C1S: variants seen among roughly 807,000 people sequenced by gnomAD.
C1S encodes complement C1s subcomponent.
C1S carries 31 observed loss-of-function variants against 54.0 expected under a neutral mutation model. The ratio of observed to expected loss-of-function variants is 0.57; its 90% CI spans 0.43 to 0.78. C1S has a LOEUF of 0.78. Ranked by LOEUF, C1S falls within the 30% of genes least tolerant of loss-of-function variation. The pLI, the probability that C1S is intolerant of heterozygous loss-of-function variation, is 0.00. For missense variants in C1S, 727 were observed against 851.8 expected (o/e 0.85, Z 1.82); for synonymous variants, 292 against 303.6 (o/e 0.96, Z 0.40).
Position 7,070,941 on chromosome 12 carries a change from C to G in C1S, c.*290C>G. On this transcript the variant is annotated 3_prime_UTR_variant, in exon 12 of 12. Transcript: ENST00000360817. The surrounding 1 kb of genome is among the most constrained non-coding windows in gnomAD (Gnocchi z 4.9). ...ACTATTCCACAGGGATACCTTAATT[C>G]TTTGTTTCCTCTTTACCTGTTCAAA... 2.4e-6 allele frequency: 1 copy of G among 423,260 alleles called. No homozygotes were observed. The highest frequency in any genetic ancestry group is 2.4e-5 in the South Asian group (1 of 40,964). 26.2% of individuals were successfully genotyped at this position (423,260 alleles called of 1,614,324 possible).
At chr12:7,067,014 A>G in intron 8 of C1S, 25 bp from the exon 9 acceptor site, 1 of 1,550,000 alleles carries the variant, frequency 6.5e-7, no homozygotes, top group Non-Finnish European at 8.9e-7. Flanking sequence ...TTCAGAAATA[A>G]GTGGTGATGT....
At chr12:7,067,518 G>T (rs1482981972) in intron 9 of C1S, 125 bp from the exon 10 acceptor site, 9 of 1,051,100 alleles carry the variant, frequency 8.6e-6, no homozygotes, top group Non-Finnish European at 1.2e-5. Flanking sequence ...CTGGTGTGGG[G>T]AGGTTCATCC....
intron 1 of C1S, 119 bp downstream of exon 1, chr12:7,060,996 G>C (rs1369747656): frequency 1.3e-5 from 2 of 152,226 alleles, no homozygotes; most frequent in Non-Finnish European, 2.9e-5. Context: ...ATAAAAAAAG[G>C]CAGAATATAG....
At chr12:7,069,831 C>G (rs1340443299) in intron 11 of C1S, 24 bp from the exon 12 acceptor site, 2 of 1,589,164 alleles carry the variant, frequency 1.3e-6, no homozygotes, top group East Asian at 2.2e-5. Flanking sequence ...TCCTCCTTCC[C>G]TGTGTTGTTT....
chr12:7,070,252 C>G lies in C1S; in HGVS notation c.1668C>G (p.Asp556Glu). 1 of 1,614,198 alleles carries G rather than the reference C, an allele frequency of 6.2e-7. No individual in the cohort carries two copies. The highest frequency in any genetic ancestry group is 8.5e-7 in the Non-Finnish European group (1 of 1,179,998). The change falls in exon 12 of 12, where the codon GAC becomes GAG. Residue 556 changes from aspartate (D) to glutamate (E), a missense_variant. This residue lies in a region of C1S where 360 missense variants were observed against 453.6 expected (regional missense o/e 0.79). Transcript: ENST00000360817. This position sits in a 1 kb window ranked among gnomAD's most constrained non-coding sequence, Gnocchi z 4.9. ...SPICLPGTSS[D>E]YNLMDGDLGL... ...TCTGCCTACCAGGCACCTCTTCCGACTACAACCTCATGGATGGGGACCTGG... is the reference window on the plus strand; with the variant it reads ...TCTGCCTACCAGGCACCTCTTCCGAGTACAACCTCATGGATGGGGACCTGG...
rs1292721692 is a variant in C1S, at chr12:7,070,555, C to G, written c.1971C>G (p.Pro657=). The G allele has an allele frequency of 1.9e-6, 3 of 1,613,318 alleles. No homozygotes were observed. The highest frequency in any genetic ancestry group is 2.5e-6 in the Non-Finnish European group (3 of 1,179,780). ...FYAAGLVSWG[P]QCGTYGLYTR... ...CAGCTGGCCTGGTGTCCTGGGGGCC[C>G]CAGTGTGGGACCTATGGGCTCTACA... The change falls in exon 12 of 12, where the codon CCC becomes CCG. Residue 657 remains proline, a synonymous_variant. Coordinates refer to ENST00000360817, the MANE Select transcript of C1S (RefSeq NM_001734.5). This position sits in a 1 kb window ranked among gnomAD's most constrained non-coding sequence, Gnocchi z 4.9.
At chr12:7,064,937 C>G (rs7968584) in intron 5 of C1S, among the ~76,000 whole-genome samples, 163 bp from the exon 6 acceptor site, 24 of 152,096 alleles carry the variant, frequency 1.6e-4, no homozygotes, top group Admixed American at 9.2e-4. Context: ...CCTACTGATA[C>G]GTATTGCACG....
At chr12:7,062,102 T>C (rs1159925379) in intron 2 of C1S, 185 bp downstream of exon 2, 6 of 621,896 alleles carry the variant, frequency 9.6e-6, no homozygotes, top group Non-Finnish European at 5.6e-6. Flanking sequence ...AGACCCTGTC[T>C]CTATTAAAAA....
At chr12:7,063,112 G>T (rs781788395) in intron 4 of C1S, 45 bp downstream of exon 4, 2 of 1,545,270 alleles carry the variant, frequency 1.3e-6, no homozygotes, top group South Asian at 1.1e-5. Context: ...CCAGCTAAAA[G>T]ATTAGAAATG....
chr12:7,067,196 C>A, intron 9 of C1S, 79 bp downstream of exon 9: 1 of 1,035,366 alleles, frequency 9.7e-7, no homozygotes, highest in Non-Finnish European at 1.5e-6. Flanking sequence ...AATTCAAATG[C>A]ATGGTTTCCT....
chr12:7,067,399 C>A (rs781880728), intron 9 of C1S: 4 of 650,722 alleles, frequency 6.1e-6, no homozygotes, highest in South Asian at 5.3e-5. Flanking sequence ...CTTCACCAAC[C>A]ACTGAGAACC....
intron 6 of C1S, 94 bp downstream of exon 6, chr12:7,065,393 T>C (rs782510064): frequency 3.0e-5 from 27 of 905,464 alleles, no homozygotes; most frequent in Non-Finnish European, 4.4e-5. Context: ...TCTTTCTCTG[T>C]TGCTCAAGCT....
At chr12:7,069,061 G>A (rs1555162784) in intron 11 of C1S, among the ~76,000 whole-genome samples, 2 of 152,160 alleles carry the variant, frequency 1.3e-5, no homozygotes, top group Admixed American at 1.3e-4. Context: ...CCGTATAACA[G>A]CCCTGTGAGC....
Position 7,061,850 on chromosome 12 carries a change from C to T in C1S, c.-63C>T, listed in dbSNP as rs781952005. On this transcript the variant is annotated 5_prime_UTR_variant, in exon 2 of 12. Coordinates refer to ENST00000360817, the MANE Select transcript of C1S (RefSeq NM_001734.5). Reference sequence around the variant, plus strand: ...CTGCCACCCCTTAGGCTCCAAAGTCCGGAGGTGCAGAAAGCCAGGACCAAG... The same window carrying T: ...CTGCCACCCCTTAGGCTCCAAAGTCTGGAGGTGCAGAAAGCCAGGACCAAG... 17 of 1,605,540 alleles carry T rather than the reference C, an allele frequency of 1.1e-5. No individual in the cohort carries two copies. The highest frequency in any genetic ancestry group is 1.6e-4 in the Middle Eastern group (1 of 6,068).
In C1S at chr12:7,066,598, C is replaced by T; in HGVS notation, c.952C>T (p.Gln318Ter). 3 of 1,613,502 alleles carry T rather than the reference C, an allele frequency of 1.9e-6. No homozygotes were observed. The highest frequency in any genetic ancestry group is 2.5e-6 in the Non-Finnish European group (3 of 1,179,362). The change falls in exon 8 of 12, where the codon CAG becomes TAG. Residue 318 changes from glutamine to a stop codon, truncating the protein, a stop_gained. Coordinates refer to ENST00000360817, the MANE Select transcript of C1S (RefSeq NM_001734.5). LOFTEE classifies it high-confidence loss of function. The part of the protein sequence containing the change: ...KAKYVFRDVV[Q>*]ITCLDGFEVV... ...AAAATATGTCTTTAGAGATGTGGTG[C>T]AGATAACCTGTCTGGATGGGTTTGA...
At chr12:7,062,341 G>A (rs767559771) in intron 2 of C1S, 134 bp from the exon 3 acceptor site, 26 of 723,054 alleles carry the variant, frequency 3.6e-5, no homozygotes, top group Admixed American at 1.2e-4. Context: ...TCTTTATTCC[G>A]ACCTAAGATT....
rs1555161399 is a variant in C1S, at chr12:7,062,510, A to G, written c.41A>G (p.Tyr14Cys). The G allele has an allele frequency of 1.9e-6, 3 of 1,613,588 alleles. No homozygotes were observed. The highest frequency in any genetic ancestry group is 2.5e-6 in the Non-Finnish European group (3 of 1,179,994). The change falls in exon 3 of 12, where the codon TAT (tyrosine) becomes TGT (cysteine). Residue 14 changes from tyrosine to cysteine, a missense_variant. Physicochemically the swap from Tyr to Cys is radical, Grantham distance 194. Transcript: ENST00000360817. ...IVLFSLLAWV[Y>C]AEPTMYGEIL... ...CTGTTTTCACTTTTGGCATGGGTTT[A>G]TGCTGAGCCTACCATGTATGGGGAG...
rs1947139406 is a variant in C1S at position 7,064,193 on chromosome 12, A to G, written c.392-74A>G. 7.9e-6 allele frequency: 12 copies of G among 1,523,112 alleles called. No individual in the cohort carries two copies. In the Admixed American group the frequency reaches 1.2e-4, roughly 15 times the overall value. 94.3% of individuals were successfully genotyped at this position (1,523,112 alleles called of 1,614,324 possible). A position where few individuals can be genotyped will look rare whatever the true frequency, so the allele number is the denominator to read the frequency against. On this transcript the variant is annotated intron_variant, in intron 4 of 11. Coordinates refer to ENST00000360817, the MANE Select transcript of C1S (RefSeq NM_001734.5). ...GCCTTTCCTACTTTTTCTTACCCTT[A>G]TGGTTTTGGATTTAACCTCATTCTC... is the stretch of plus-strand genomic sequence containing the variant.
chr12:7,061,041 C>G (rs1947081276), intron 1 of C1S, among the ~76,000 whole-genome samples, 164 bp downstream of exon 1: 2 of 152,182 alleles, frequency 1.3e-5, no homozygotes. Flanking sequence ...CCCATCCACC[C>G]CTACTTCACC....
Sources: allele counts gnomAD v4.1 joint callset (sites outside exome capture counted in the v4.1 genomes callset), GRCh38; gene constraint gnomAD v4.1.1; regional missense constraint gnomAD v4.1.1; non-coding constraint Gnocchi (gnomAD v3.1); transcripts MANE v1.5; gene names NCBI Gene and HGNC (gene_info 2026-07-23, HGNC 2026-07-21).